The following PCDHA10 variants were observed in gnomAD, a reference collection of about 807,000 sequenced individuals.
The protein encoded by PCDHA10 is protocadherin alpha-10.
In PCDHA10, 45 loss-of-function variants were observed where a neutral mutation model predicts 61.2. The ratio of observed to expected loss-of-function variants is 0.74; its 90% CI spans 0.58 to 0.94. The LOEUF (loss-of-function observed/expected upper bound fraction) is 0.94, where lower values mean the gene tolerates loss of function less well. Ranked by LOEUF, PCDHA10 falls within the 40% of genes least tolerant of loss-of-function variation. The pLI, the probability that PCDHA10 is intolerant of heterozygous loss-of-function variation, is 0.00. For synonymous variants in PCDHA10, 602 were observed against 548.8 expected, an observed-to-expected ratio of 1.10 and a Z score of -1.35; for missense variants, 1,278 against 1,236.2, an observed-to-expected ratio of 1.03 and a Z score of -0.51.
intron 1 of PCDHA10, among the ~76,000 whole-genome samples, chr5:140,970,591 T>G (rs1159349152): frequency 2.6e-5 from 4 of 152,150 alleles, no homozygotes; most frequent in African/African-American, 9.7e-5. Flanking sequence ...GAGATATGCT[T>G]TGTGATACTT....
At chr5:140,990,988 C>A (rs1332573282) in intron 3 of PCDHA10, among the ~76,000 whole-genome samples, 5 of 152,184 alleles carry the variant, frequency 3.3e-5, no homozygotes, top group Admixed American at 6.5e-5. Flanking sequence ...AAGACAATAG[C>A]TACCATTTAT....
At chr5:140,927,412 G>T (rs781968521) in intron 1 of PCDHA10, 1 of 1,614,122 alleles carries the variant, frequency 6.2e-7, no homozygotes, top group East Asian at 2.2e-5. Flanking sequence ...CCTGGACATG[G>T]GATCGCGGGT....
chr5:140,900,683 T>C (rs144072569), intron 1 of PCDHA10, among the ~76,000 whole-genome samples: 52 of 152,340 alleles, frequency 3.4e-4, no homozygotes, highest in African/African-American at 9.9e-4. Context: ...ATCTCTTCAA[T>C]ATACTGATTT....
At chr5:140,888,118 T>C (rs2061702019) in intron 1 of PCDHA10, among the ~76,000 whole-genome samples, 1 of 152,228 alleles carries the variant, frequency 6.6e-6, no homozygotes, top group Non-Finnish European at 1.5e-5. Context: ...TCTATCTTCT[T>C]CTATGGATAT....
intron 1 of PCDHA10, among the ~76,000 whole-genome samples, chr5:140,937,638 C>A (rs1563161991): frequency 6.7e-6 from 1 of 150,048 alleles, no homozygotes; most frequent in East Asian, 2.1e-4. Flanking sequence ...AAAGGCAGGG[C>A]ATGGTGGCTC....
At chr5:140,935,638 T>G (rs1452378093) in intron 1 of PCDHA10, among the ~76,000 whole-genome samples, 2 of 152,214 alleles carry the variant, frequency 1.3e-5, no homozygotes, top group Admixed American at 6.5e-5. Context: ...TAGGGCTTGC[T>G]TTTTAAATTT....
intron 2 of PCDHA10, 37 bp from the exon 3 acceptor site, chr5:140,982,438 T>G: frequency 3.8e-5 from 61 of 1,608,838 alleles, no homozygotes; most frequent in Non-Finnish European, 4.8e-5. Context: ...AAAGAATTTA[T>G]GATCTAACCG....
chr5:140,989,788 G>A (rs2097360346), intron 3 of PCDHA10, among the ~76,000 whole-genome samples: 2 of 152,158 alleles, frequency 1.3e-5, no homozygotes, highest in Admixed American at 1.3e-4. Context: ...GAGACTAGAG[G>A]CCCCCAGGAA....
chr5:140,884,113 G>A, intron 1 of PCDHA10: 2 of 1,613,388 alleles, frequency 1.2e-6, no homozygotes, highest in Non-Finnish European at 1.7e-6. Context: ...AGCTGGCGGC[G>A]GTCGGCGCGC....
chr5:140,865,215 T>C (rs2048774441), intron 1 of PCDHA10: 1 of 152,214 alleles, frequency 6.6e-6, no homozygotes, highest in Admixed American at 6.5e-5. Flanking sequence ...TTGCTTTCTT[T>C]AAAGGGATCC....
chr5:140,915,886 T>A (rs1259377999), intron 1 of PCDHA10, among the ~76,000 whole-genome samples: 2 of 152,186 alleles, frequency 1.3e-5, no homozygotes, highest in African/African-American at 4.8e-5. Context: ...GGGTAGCAAG[T>A]TCCCCCTGGC....
chr5:140,862,406 T>C, intron 1 of PCDHA10: 1 of 350,092 alleles, frequency 2.9e-6, no homozygotes, highest in Non-Finnish European at 5.6e-6. Flanking sequence ...GTGTCTACCT[T>C]CAAAAGGCGC....
chr5:141,005,936 G>A (rs1233031842), intron 3 of PCDHA10, among the ~76,000 whole-genome samples: 1 of 151,890 alleles, frequency 6.6e-6, no homozygotes, highest in African/African-American at 2.4e-5. Context: ...GACAGAGTGA[G>A]AACCTATCTC....
rs556069691 is a variant in PCDHA10 at position 140,951,526 on chromosome 5, G to A, written c.2389-27423G>A. Among the ~76,000 whole-genome samples the A allele has an allele frequency of 7.4e-4, 112 of 152,076 alleles. 1 individual carries two copies. The highest frequency in any genetic ancestry group is 2.6e-3 in the African/African-American group (107 of 41,516). ...GGAAAGCGGCTCATCTTACATGGCC[G>A]GTGCAGGAGCAAGGGACGGGGGGAA... is the stretch of plus-strand genomic sequence containing the variant. On this transcript the variant is annotated intron_variant, in intron 1 of 3. Transcript: ENST00000307360.
At chr5:140,955,989 A>C (rs2095245782) in intron 1 of PCDHA10, among the ~76,000 whole-genome samples, 1 of 152,172 alleles carries the variant, frequency 6.6e-6, no homozygotes, top group Non-Finnish European at 1.5e-5. Flanking sequence ...ATTTTTGCAC[A>C]TTGATTTTGT....
rs1424860955 is a variant in PCDHA10, at chr5:140,855,923, A to G, written c.-126A>G. 3.3e-6 allele frequency: 4 copies of G among 1,229,030 alleles called. No individual in the cohort carries two copies. In the East Asian group the frequency reaches 9.4e-5, roughly 29 times the overall value. The allele number at this position is 1,229,030 out of a possible 1,614,324, so 76.1% of individuals were successfully genotyped here. ...GCCAGTTTCTCAAGGACTAGGAAGT[A>G]GCGTCATTCTGAGATCTCAGCCATT... On this transcript the variant is annotated 5_prime_UTR_variant, in exon 1 of 4. Transcript: ENST00000307360.
rs1554148909 is a variant in PCDHA10, at chr5:140,856,599, A to G, written c.551A>G (p.Lys184Arg). 10 of 1,597,910 alleles carry G rather than the reference A, an allele frequency of 6.3e-6. 1 individual carries two copies. Among genetic ancestry groups the G allele is most frequent in the African/African-American group, 1.3e-5 (1 of 74,324 alleles). ...NEYFVLDIIN[K>R]KDKDKFPVLV... ...TATTTTGTTCTTGATATTATAAACAAAAAAGACAAAGACAAATTCCCAGTG... is the reference window on the plus strand; with the variant it reads ...TATTTTGTTCTTGATATTATAAACAGAAAAGACAAAGACAAATTCCCAGTG... The change falls in exon 1 of 4, where the codon AAA becomes AGA. Residue 184 changes from lysine to arginine, a missense_variant. By Grantham distance (26) the Lys-to-Arg change is conservative (BLOSUM62 2). Transcript: ENST00000307360.
At chr5:140,876,231 A>G (rs1428769390) in intron 1 of PCDHA10, 1 of 1,613,886 alleles carries the variant, frequency 6.2e-7, no homozygotes, top group African/African-American at 1.3e-5. Context: ...TGTTGTCTGA[A>G]AATGTCCAAA....
chr5:140,925,254 A>G (rs1554202655), intron 1 of PCDHA10, among the ~76,000 whole-genome samples: 1 of 152,188 alleles, frequency 6.6e-6, no homozygotes, highest in African/African-American at 2.4e-5. Context: ...GGAAACTTTA[A>G]TTCTTGATCT....
Sources: gnomAD v4.1 joint callset for allele counts (sites outside exome capture counted in the v4.1 genomes callset) on GRCh38, gnomAD v4.1.1 for gene constraint, MANE v1.5 for transcripts, NCBI Gene and HGNC (gene_info 2026-07-23, HGNC 2026-07-21) for gene names.